Variants in MTNR1B observed in about 807,000 individuals in gnomAD.
MTNR1B encodes melatonin receptor 1B.
MTNR1B carries 7 observed loss-of-function variants against 7.0 expected under a neutral mutation model. That is an observed-to-expected ratio of 1.00 (90% CI 0.57 to 1.88). The LOEUF (loss-of-function observed/expected upper bound fraction) is 1.88. Ranked by LOEUF, MTNR1B falls within the 40% of genes most tolerant of loss-of-function variation. MTNR1B has a pLI of 0.00. For missense variants in MTNR1B, 478 were observed against 486.5 expected (o/e 0.98, Z 0.16); for synonymous variants, 226 against 208.2 (o/e 1.09, Z -0.74).
rs777163058 is a variant in MTNR1B at position 92,969,785 on chromosome 11, G to A, written c.60G>A (p.Pro20=). 1.3e-6 allele frequency: 2 copies of A among 1,545,258 alleles called. No homozygotes were observed. The highest frequency in any genetic ancestry group is 1.9e-5 in the Admixed American group (1 of 53,912). Residue 20 remains proline, a synonymous_variant, in exon 1 of 2, where the codon CCG becomes CCA. Transcript: ENST00000257068. ...CCEAGGWAVR[P]GWSGAGSARP... The stretch of plus-strand genomic sequence containing the variant: ...AGGCGGGCGGGTGGGCAGTGCGCCC[G>A]GGCTGGTCGGGGGCTGGCAGCGCGC...
intron 1 of MTNR1B, chr11:92,972,411 G>T: frequency 2.2e-6 from 1 of 456,054 alleles, no homozygotes; most frequent in South Asian, 1.5e-5. Context: ...TAACAGTGCC[G>T]CTCCTGATGG....
intron 1 of MTNR1B, among the ~76,000 whole-genome samples, chr11:92,977,859 G>T (rs935314209): frequency 6.6e-6 from 1 of 152,210 alleles, no homozygotes; most frequent in Non-Finnish European, 1.5e-5. Context: ...GGCACAGAAA[G>T]TTTAACACTG....
In MTNR1B at chr11:92,969,713, G is replaced by T. The variant is rs761238587; in HGVS notation, c.-13G>T. 1 of 1,463,914 alleles carries T rather than the reference G, an allele frequency of 6.8e-7. No individual in the cohort carries two copies. The highest frequency in any genetic ancestry group is 9.0e-7 in the Non-Finnish European group (1 of 1,108,230). 90.7% of individuals were successfully genotyped at this position (1,463,914 alleles called of 1,614,324 possible). ...CCGCGCGGTGGCCAAAGCACAGCGC[G>T]GGAGAGTCTGCGATGTCAGAGAACG... On this transcript the variant is annotated 5_prime_UTR_variant, in exon 1 of 2. Coordinates refer to ENST00000257068, the MANE Select transcript of MTNR1B (RefSeq NM_005959.5).
At chr11:92,978,152 G>C (rs1398752172) in intron 1 of MTNR1B, among the ~76,000 whole-genome samples, 1 of 152,180 alleles carries the variant, frequency 6.6e-6, no homozygotes, top group African/African-American at 2.4e-5. Flanking sequence ...GCACAGAGGA[G>C]GGGGGCAAGG....
At chr11:92,970,652 T>C (rs560367866) in intron 1 of MTNR1B, among the ~76,000 whole-genome samples, 1 of 152,322 alleles carries the variant, frequency 6.6e-6, no homozygotes, top group South Asian at 2.1e-4. Flanking sequence ...CAATCCACTC[T>C]CATTTCAATA....
At chr11:92,977,295 T>A (rs1565179632) in intron 1 of MTNR1B, among the ~76,000 whole-genome samples, 1 of 152,150 alleles carries the variant, frequency 6.6e-6, no homozygotes, top group South Asian at 2.1e-4. Context: ...AAGAAAAAAA[T>A]ATCTGCTCTC....
At chr11:92,971,415 T>C (rs905562263) in intron 1 of MTNR1B, among the ~76,000 whole-genome samples, 3 of 152,196 alleles carry the variant, frequency 2.0e-5, no homozygotes, top group Non-Finnish European at 2.9e-5. Flanking sequence ...TTGTTCAAAA[T>C]ATTGTGTCCT....
rs8192553 is a variant in MTNR1B at position 92,981,915 on chromosome 11, G to A, written c.692G>A (p.Arg231His). Reference protein sequence around the residue: ...LRIWVLVLQARRKAKPESRLC... With the variant: ...LRIWVLVLQAHRKAKPESRLC... ...ATCTGGGTGCTGGTGCTTCAGGCCC[G>A]CAGGAAAGCCAAGCCAGAGAGCAGG... The change falls in exon 2 of 2, where the codon CGC becomes CAC. Residue 231 changes from arginine to histidine, a missense_variant. By Grantham distance (29) the Arg-to-His change is conservative (BLOSUM62 0). Coordinates refer to ENST00000257068, the MANE Select transcript of MTNR1B (RefSeq NM_005959.5). The A allele has an allele frequency of 6.1e-3, 9,888 of 1,614,166 alleles. 35 individuals carry two copies. Among genetic ancestry groups the A allele is most frequent in the Non-Finnish European group, 7.6e-3 (9,023 of 1,180,042 alleles).
rs892976026 is a variant in MTNR1B at position 92,969,689 on chromosome 11, C to T, written c.-37C>T. On this transcript the variant is annotated 5_prime_UTR_variant, in exon 1 of 2. Coordinates refer to ENST00000257068, the MANE Select transcript of MTNR1B (RefSeq NM_005959.5). ...CGCGCGCCCTGCGGCTGTCCGGGGC[C>T]GCGCGGTGGCCAAAGCACAGCGCGG... 2 of 1,403,098 alleles carry T rather than the reference C, an allele frequency of 1.4e-6. No individual in the cohort carries two copies. Among genetic ancestry groups the T allele is most frequent in the Non-Finnish European group, 1.9e-6 (2 of 1,079,184 alleles). 86.9% of individuals were successfully genotyped at this position (1,403,098 alleles called of 1,614,324 possible).
chr11:92,971,509 G>C (rs371582144), intron 1 of MTNR1B, among the ~76,000 whole-genome samples: 1 of 152,304 alleles, frequency 6.6e-6, no homozygotes. Context: ...GTCCCTTGCA[G>C]CCATCATAAA....
At chr11:92,983,543 A>T (rs1336235650), downstream of MTNR1B, among the ~76,000 whole-genome samples, 2 of 151,260 alleles carry the variant, frequency 1.3e-5, no homozygotes, top group African/African-American at 2.4e-5. Context: ...AAAGAAGAAG[A>T]AGTAGAAGGA....
At chr11:92,971,106 C>T (rs544709687) in intron 1 of MTNR1B, among the ~76,000 whole-genome samples, 4 of 151,948 alleles carry the variant, frequency 2.6e-5, no homozygotes, top group Admixed American at 6.6e-5. Context: ...ATTACAGGCG[C>T]TCGCCACTAC....
intron 1 of MTNR1B, among the ~76,000 whole-genome samples, chr11:92,972,231 A>T (rs143206033): frequency 4.5e-4 from 68 of 152,300 alleles, no homozygotes; most frequent in Admixed American, 6.5e-5. Context: ...TGGCTCCTTA[A>T]ATCATTGGTA....
intron 1 of MTNR1B, among the ~76,000 whole-genome samples, chr11:92,976,824 T>C (rs1858014858): frequency 1.3e-5 from 2 of 152,248 alleles, no homozygotes; most frequent in Admixed American, 1.3e-4. Context: ...TCTTTCTCAA[T>C]CCTTCTGTGT....
At chr11:92,977,749 C>T (rs1307197408) in intron 1 of MTNR1B, among the ~76,000 whole-genome samples, 1 of 152,200 alleles carries the variant, frequency 6.6e-6, no homozygotes, top group Non-Finnish European at 1.5e-5. Context: ...ATGGCAGGGG[C>T]CATGTCTTTC....
In MTNR1B at chr11:92,982,710, G is replaced by A; in HGVS notation, c.*398G>A. 4.5e-6 allele frequency: 1 copy of A among 224,302 alleles called. No individual in the cohort carries two copies. Among genetic ancestry groups the A allele is most frequent in the Non-Finnish European group, 8.8e-6 (1 of 113,986 alleles). 13.9% of individuals were successfully genotyped at this position (224,302 alleles called of 1,614,324 possible). ...GGCAGGATCTCTTCCTGTTAGCAAG[G>A]ATGAAAGAGAGAGGTCAGTAGGACT... On this transcript the variant is annotated 3_prime_UTR_variant, in exon 2 of 2. Coordinates refer to ENST00000257068, the MANE Select transcript of MTNR1B (RefSeq NM_005959.5).
Position 92,981,529 on chromosome 11 carries a change from C to A in MTNR1B, c.306C>A (p.Phe102Leu), listed in dbSNP as rs1201633065. Reference sequence around the variant, plus strand: ...ACCCGCTAATCCTCGTGGCCATCTTCTATGACGGCTGGGCCCTGGGGGAGG... The same window carrying A: ...ACCCGCTAATCCTCGTGGCCATCTTATATGACGGCTGGGCCCTGGGGGAGG... The part of the protein sequence containing the change: ...YPYPLILVAI[F>L]YDGWALGEEH... Residue 102 changes from phenylalanine (F) to leucine (L), a missense_variant, in exon 2 of 2, where the codon TTC (phenylalanine) becomes TTA (leucine). By Grantham distance (22) the Phe-to-Leu change is conservative. Transcript: ENST00000257068. The A allele has an allele frequency of 1.2e-6, 2 of 1,614,084 alleles. No individual in the cohort carries two copies. The highest frequency in any genetic ancestry group is 2.7e-5 in the African/African-American group (2 of 74,940).
intron 1 of MTNR1B, among the ~76,000 whole-genome samples, chr11:92,972,801 A>T (rs1000610744): frequency 2.6e-5 from 4 of 152,006 alleles, no homozygotes; most frequent in African/African-American, 9.7e-5. Flanking sequence ...TATCTCTTGC[A>T]TTTTTGAGCT....
chr11:92,980,493 AG>A (rs1268050782), intron 1 of MTNR1B, among the ~76,000 whole-genome samples: 3 of 152,218 alleles, frequency 2.0e-5, no homozygotes, highest in African/African-American at 7.2e-5. Context: ...CTTGAGGAGC[AG>A]AGATTGTGTT....
Sources: allele counts gnomAD v4.1 joint callset (sites outside exome capture counted in the v4.1 genomes callset), GRCh38; gene constraint gnomAD v4.1.1; transcripts MANE v1.5; gene names NCBI Gene and HGNC (gene_info 2026-07-23, HGNC 2026-07-21).